MAPK13: variants seen among roughly 807,000 people sequenced by gnomAD.
The protein encoded by MAPK13 is MAP kinase 13.
In MAPK13, 39 loss-of-function variants were observed where a neutral mutation model predicts 53.5. The ratio of observed to expected loss-of-function variants is 0.73; its 90% CI spans 0.56 to 0.95. The LOEUF (loss-of-function observed/expected upper bound fraction) is 0.95, where lower values mean the gene tolerates loss of function less well. Ranked by LOEUF, MAPK13 falls within the 40% of genes least tolerant of loss-of-function variation. The pLI is 0.00. For missense variants in MAPK13, 460 were observed against 471.8 expected (o/e 0.98, Z 0.23); for synonymous variants, 179 against 190.9 (o/e 0.94, Z 0.51).
chr6:36,136,031 G>T lies in MAPK13; in HGVS notation c.430G>T (p.Ala144Ser). The T allele has an allele frequency of 6.2e-7, 1 of 1,614,126 alleles. No individual in the cohort carries two copies. Among genetic ancestry groups the T allele is most frequent in the Non-Finnish European group, 8.5e-7 (1 of 1,180,010 alleles). ...MLKGLKYIHSAGVVHRDLKPG... is the reference protein window; with the variant it reads ...MLKGLKYIHSSGVVHRDLKPG... ...CTCTCCCACATAGTACATCCACTCT[G>T]CTGGGGTCGTGCACAGGGTGAGTGC... The change falls in exon 5 of 12, where the codon GCT becomes TCT. Residue 144 changes from alanine (A) to serine (S), a missense_variant. Coordinates refer to ENST00000211287, the MANE Select transcript of MAPK13 (RefSeq NM_002754.5).
intron 3 of MAPK13, among the ~76,000 whole-genome samples, chr6:36,133,472 GGGCC>G (rs1313483890): frequency 3.3e-5 from 5 of 152,230 alleles, no homozygotes; most frequent in Non-Finnish European, 7.3e-5. Context: ...TTGGGAGGCA[GGGCC>G]GACACAATGT....
rs1766318243 is a variant in MAPK13 at position 36,131,354 on chromosome 6, G to A, written c.203G>A (p.Arg68His). The part of the protein sequence containing the change: ...RPFQSEIFAK[R>H]AYRELLLLKH... The stretch of plus-strand genomic sequence containing the variant: ...TTTCAGTCCGAGATCTTCGCCAAGC[G>A]CGCCTACCGGGAGCTGCTGCTGCTG... Residue 68 changes from arginine (R) to histidine (H), a missense_variant, in exon 2 of 12, where the codon CGC becomes CAC. Coordinates refer to ENST00000211287, the MANE Select transcript of MAPK13 (RefSeq NM_002754.5). The A allele has an allele frequency of 5.0e-6, 8 of 1,613,864 alleles. No individual in the cohort carries two copies. Among genetic ancestry groups the A allele is most frequent in the Non-Finnish European group, 6.8e-6 (8 of 1,179,908 alleles).
Position 36,131,405 on chromosome 6 carries a change from GT to G in MAPK13, c.249+6del. 1 of 1,610,982 alleles carries G rather than the reference GT, an allele frequency of 6.2e-7. No homozygotes were observed. Among genetic ancestry groups the G allele is most frequent in the Admixed American group, 1.7e-5 (1 of 59,854 alleles). On this transcript the variant is annotated splice_donor_region_variant and intron_variant, in intron 2 of 11. Coordinates refer to ENST00000211287, the MANE Select transcript of MAPK13 (RefSeq NM_002754.5). ...AAGCACATGCAGCATGAGAACGTAG[GT>G]GGTGGCTGCCCCGGGGAGGGGGTGG...
rs773255782 is a variant in MAPK13 at position 36,130,685 on chromosome 6, G to A, written c.103G>A (p.Ala35Thr). ...GTCCCCGACGCACGTCGGCAGCGGG[G>A]CCTATGGCTCCGTGTGGTGAGACCC... ...YVSPTHVGSG[A>T]YGSVCSAIDK... The change falls in exon 1 of 12, where the codon GCC (alanine) becomes ACC (threonine). Residue 35 changes from alanine (A) to threonine (T), a missense_variant. Transcript: ENST00000211287. This position sits in a 1 kb window ranked among gnomAD's most constrained non-coding sequence, Gnocchi z 4.5. 2 of 1,556,578 alleles carry A rather than the reference G, an allele frequency of 1.3e-6. No homozygotes were observed. The highest frequency in any genetic ancestry group is 1.7e-6 in the Non-Finnish European group (2 of 1,149,786).
rs1766486932 is a variant in MAPK13, at chr6:36,139,324, G to T, written c.1049G>T (p.Ser350Ile). ...ATCTACAAGGAGATTGTGAACTTCAGCCCCATTGCCCGGAAGGACTCACGG... is the reference window on the plus strand; with the variant it reads ...ATCTACAAGGAGATTGTGAACTTCATCCCCATTGCCCGGAAGGACTCACGG... ...QHIYKEIVNFSPIARKDSRRR... is the reference protein window; with the variant it reads ...QHIYKEIVNFIPIARKDSRRR... The change falls in exon 12 of 12, where the codon AGC becomes ATC. Residue 350 changes from serine (S) to isoleucine (I), a missense_variant. Coordinates refer to ENST00000211287, the MANE Select transcript of MAPK13 (RefSeq NM_002754.5). 3 of 1,613,986 alleles carry T rather than the reference G, an allele frequency of 1.9e-6. No individual in the cohort carries two copies. The African/African-American group carries it at 4.0e-5, about 22-fold the overall frequency.
At chr6:36,135,929 G>A in intron 4 of MAPK13, 68 bp downstream of exon 4, 1 of 1,597,838 alleles carries the variant, frequency 6.3e-7, no homozygotes, top group African/African-American at 1.3e-5. Context: ...TGGGGAGGCT[G>A]GAGGGAGCGC....
intron 3 of MAPK13, 112 bp downstream of exon 3, chr6:36,132,791 C>T (rs1171265963): frequency 9.0e-7 from 1 of 1,114,366 alleles, no homozygotes; most frequent in Non-Finnish European, 1.4e-6. Context: ...GGAGAGCCTC[C>T]TTCCCTGGCA....
rs199711509 is a variant in MAPK13 at position 36,136,781 on chromosome 6, A to G, written c.610+11A>G. On this transcript the variant is annotated intron_variant, in intron 7 of 11. Transcript: ENST00000211287. ...ACTACAACCAGACAGGTCAGTGGTCAATGCCTGAGAGGGCGGTCCTGGGGC... is the reference window on the plus strand; with the variant it reads ...ACTACAACCAGACAGGTCAGTGGTCGATGCCTGAGAGGGCGGTCCTGGGGC... 1 of 1,613,778 alleles carries G rather than the reference A, an allele frequency of 6.2e-7. No individual in the cohort carries two copies. Among genetic ancestry groups the G allele is most frequent in the East Asian group, 2.2e-5 (1 of 44,866 alleles).
In MAPK13 at chr6:36,136,890, T is replaced by A; in HGVS notation, c.622T>A (p.Ser208Thr). ...MHYNQTVDIW[S>T]VGCIMAEMLT... ...CCCTCCCTCTGCAGTGGACATCTGG[T>A]CTGTGGGCTGTATCATGGCAGAGAT... Residue 208 changes from serine to threonine, a missense_variant, in exon 8 of 12, where the codon TCT becomes ACT. Physicochemically the swap from Ser to Thr is moderately conservative, Grantham distance 58. Coordinates refer to ENST00000211287, the MANE Select transcript of MAPK13 (RefSeq NM_002754.5). 1.9e-6 allele frequency: 3 copies of A among 1,614,142 alleles called. No homozygotes were observed. Among genetic ancestry groups the A allele is most frequent in the Admixed American group, 3.3e-5 (2 of 60,022 alleles).
chr6:36,136,614 C>T (rs749561163), intron 6 of MAPK13, 42 bp from the exon 7 acceptor site: 52 of 1,610,628 alleles, frequency 3.2e-5, no homozygotes, highest in African/African-American at 4.0e-5. Context: ...AGAGCCTCCT[C>T]CCCTCAGCAA....
Position 36,131,296 on chromosome 6 carries a change from G to A in MAPK13, c.145G>A (p.Glu49Lys), listed in dbSNP as rs138132800. The A allele has an allele frequency of 7.9e-5, 128 of 1,613,780 alleles. No homozygotes were observed. In the African/African-American group the frequency reaches 1.6e-3, roughly 20 times the overall value. ...VCSAIDKRSGEKVAIKKLSRP... is the reference protein window; with the variant it reads ...VCSAIDKRSGKKVAIKKLSRP... ...CTCGGCCATCGACAAGCGGTCAGGG[G>A]AGAAGGTGGCCATCAAGAAGCTGAG... The change falls in exon 2 of 12, where the codon GAG (glutamate) becomes AAG (lysine). Residue 49 changes from glutamate to lysine, a missense_variant. Glu to Lys is a moderately conservative substitution (Grantham distance 56). Coordinates refer to ENST00000211287, the MANE Select transcript of MAPK13 (RefSeq NM_002754.5).
rs114681325 is a variant in MAPK13 at position 36,137,062 on chromosome 6, G to A, written c.682+112G>A. 322 of 882,732 alleles carry A rather than the reference G, an allele frequency of 3.6e-4. 1 individual carries two copies. The African/African-American group carries it at 4.7e-3, about 13-fold the overall frequency. The allele number at this position is 882,732 out of a possible 1,614,324, so 54.7% of individuals were successfully genotyped here. A position where few individuals can be genotyped will look rare whatever the true frequency, so the allele number is the denominator to read the frequency against. ...AATGTGAGAGTGATACATACTCCCT[G>A]TAGAATAATTTGTAAATGCAGATAA... is the stretch of plus-strand genomic sequence containing the variant. On this transcript the variant is annotated intron_variant, in intron 8 of 11. Transcript: ENST00000211287.
At position 36,141,555 on chromosome 6, in the gene MAPK13, T is replaced by C. The variant is rs1218781459; in HGVS notation, c.*2182T>C. 1 of 152,118 alleles carries C rather than the reference T, an allele frequency of 6.6e-6. No homozygotes were observed. Among genetic ancestry groups the C allele is most frequent in the Non-Finnish European group, 1.5e-5 (1 of 68,114 alleles). 9.4% of individuals were successfully genotyped at this position (152,118 alleles called of 1,614,324 possible). A position where few individuals can be genotyped will look rare whatever the true frequency, so the allele number is the denominator to read the frequency against. On this transcript the variant is annotated 3_prime_UTR_variant, in exon 12 of 12. Coordinates refer to ENST00000211287, the MANE Select transcript of MAPK13 (RefSeq NM_002754.5). ...TGGGCTTGGTGGTGCATGCCTGTAA[T>C]CCCAAACTACTCGGGAGGCTGAGGC...
intron 3 of MAPK13, among the ~76,000 whole-genome samples, chr6:36,134,523 G>A (rs1766377547): frequency 6.6e-6 from 1 of 152,084 alleles, no homozygotes. Flanking sequence ...CCCCCAAGTA[G>A]GTGGGACTAC....
Position 36,138,385 on chromosome 6 carries a change from A to T in MAPK13, c.703A>T (p.Ile235Phe). ...CCAAGACCTGGACCAGCTGACCCAG[A>T]TCCTGAAAGTGACCGGGGTGCCTGG... Reference protein sequence around the residue: ...GKDYLDQLTQILKVTGVPGTE... With the variant: ...GKDYLDQLTQFLKVTGVPGTE... The change falls in exon 9 of 12, where the codon ATC (isoleucine) becomes TTC (phenylalanine). Residue 235 changes from isoleucine (I) to phenylalanine (F), a missense_variant. Ile to Phe is a conservative substitution (Grantham distance 21). Coordinates refer to ENST00000211287, the MANE Select transcript of MAPK13 (RefSeq NM_002754.5). The T allele has an allele frequency of 6.2e-7, 1 of 1,613,982 alleles. No homozygotes were observed. The highest frequency in any genetic ancestry group is 8.5e-7 in the Non-Finnish European group (1 of 1,179,954).
Position 36,130,763 on chromosome 6 carries a change from GC to G in MAPK13, c.119+65del. On this transcript the variant is annotated intron_variant, in intron 1 of 11. Transcript: ENST00000211287. This position sits in a 1 kb window ranked among gnomAD's most constrained non-coding sequence, Gnocchi z 4.5. ...CGCCAGGCTCTCCCCTTTCCGCCCAGCCCGCCCTGGGCTGGCCCCTCGCCAG... is the reference window on the plus strand; with the variant it reads ...CGCCAGGCTCTCCCCTTTCCGCCCAGCCGCCCTGGGCTGGCCCCTCGCCAG... 1 of 933,428 alleles carries G rather than the reference GC, an allele frequency of 1.1e-6. No homozygotes were observed. The highest frequency in any genetic ancestry group is 1.6e-6 in the Non-Finnish European group (1 of 635,964). 57.8% of individuals were successfully genotyped at this position (933,428 alleles called of 1,614,324 possible). A position where few individuals can be genotyped will look rare whatever the true frequency, so the allele number is the denominator to read the frequency against.
Position 36,139,024 on chromosome 6 carries a change from A to G in MAPK13, c.987A>G (p.Glu329=), listed in dbSNP as rs1463788979. The change falls in exon 11 of 12, where the codon GAA becomes GAG. Residue 329 remains glutamate (E), a synonymous_variant. Transcript: ENST00000211287. ...EAQQPFDDSL[E]HEKLTVDEWK... is the part of the protein sequence containing the mutation. Reference sequence around the variant, plus strand: ...AGCAGCCGTTTGATGATTCCTTAGAACACGAGAAACTCACAGTGGATGAAT... The same window carrying G: ...AGCAGCCGTTTGATGATTCCTTAGAGCACGAGAAACTCACAGTGGATGAAT... The G allele has an allele frequency of 6.2e-7, 1 of 1,608,478 alleles. No homozygotes were observed. Among genetic ancestry groups the G allele is most frequent in the South Asian group, 1.1e-5 (1 of 90,420 alleles).
intron 3 of MAPK13, among the ~76,000 whole-genome samples, chr6:36,134,615 C>T (rs986465709): frequency 6.6e-6 from 1 of 152,100 alleles, no homozygotes; most frequent in Non-Finnish European, 1.5e-5. Flanking sequence ...TCATCCTGAT[C>T]TCGAATTCCC....
At chr6:36,135,004 G>A (rs1177664349) in intron 3 of MAPK13, among the ~76,000 whole-genome samples, 1 of 152,166 alleles carries the variant, frequency 6.6e-6, no homozygotes, top group Non-Finnish European at 1.5e-5. Context: ...GACAGAGCAA[G>A]ACTCCATCTC....
Sources: allele counts gnomAD v4.1 joint callset (sites outside exome capture counted in the v4.1 genomes callset), GRCh38; gene constraint gnomAD v4.1.1; non-coding constraint Gnocchi (gnomAD v3.1); transcripts MANE v1.5; gene names NCBI Gene and HGNC (gene_info 2026-07-23, HGNC 2026-07-21).